Variants in HLA-DPB1 observed in about 807,000 individuals in gnomAD.
HLA-DPB1 encodes HLA class II histocompatibility antigen, DP beta 1 chain.
A neutral mutation model predicts 29.4 loss-of-function variants in HLA-DPB1; 30 were observed. The observed-to-expected ratio is 1.02, with a 90% CI of 0.76 to 1.38. The LOEUF (loss-of-function observed/expected upper bound fraction) is 1.38. Ranked by LOEUF, HLA-DPB1 falls within the 40% of genes most tolerant of loss-of-function variation. The probability of loss-of-function intolerance (pLI) is 0.00; values close to 1 mark genes in which losing one functional copy is unlikely to be tolerated. For missense variants in HLA-DPB1, 261 were observed against 327.5 expected, an observed-to-expected ratio of 0.80 and a Z score of 1.57; for synonymous variants, 114 against 134.0, an observed-to-expected ratio of 0.85 and a Z score of 1.03.
At chr6:33,085,700 G>C (rs9277470) in intron 3 of HLA-DPB1, 79 bp from the exon 4 acceptor site, 304,620 of 971,916 alleles carry the variant, frequency 0.31, 53,164 homozygotes, top group East Asian at 0.6. Context: ...TGCTGCATCA[G>C]GCTCCAGAAT....
chr6:33,085,137 C>T lies in HLA-DPB1; in HGVS notation c.552C>T (p.Ile184=), dbSNP rs376906908. ...GTAATGGAGACTGGACCTTCCAGAT[C>T]CTGGTGATGCTGGAAATGACCCCCC... The part of the protein sequence containing the change: ...LIRNGDWTFQ[I]LVMLEMTPQQ... Residue 184 remains isoleucine, a synonymous_variant, in exon 3 of 6, where the codon ATC becomes ATT. Coordinates refer to ENST00000418931, the MANE Select transcript of HLA-DPB1 (RefSeq NM_002121.6). The T allele has an allele frequency of 1.2e-5, 19 of 1,613,766 alleles. No homozygotes were observed. Among genetic ancestry groups the T allele is most frequent in the Non-Finnish European group, 1.5e-5 (18 of 1,179,830 alleles).
At position 33,088,605 on chromosome 6, in the gene HLA-DPB1, G is replaced by A. The variant is rs992271475; in HGVS notation, c.*2071G>A. On this transcript the variant is annotated 3_prime_UTR_variant, in exon 6 of 6. Coordinates refer to ENST00000418931, the MANE Select transcript of HLA-DPB1 (RefSeq NM_002121.6). Reference sequence around the variant, plus strand: ...AGGTCCCAGAGGAGACAAGAGCTGAGAGACCATCCAAACTGGGACCACCTT... The same window carrying A: ...AGGTCCCAGAGGAGACAAGAGCTGAAAGACCATCCAAACTGGGACCACCTT... 7.6e-6 allele frequency among the ~76,000 whole-genome samples: 1 copy of A among 131,960 alleles called. No individual in the cohort carries two copies. The highest frequency in any genetic ancestry group is 1.6e-5 in the Non-Finnish European group (1 of 63,626). 86.6% of individuals were successfully genotyped at this position (131,960 alleles called of 152,430 possible).
In HLA-DPB1 at chr6:33,080,926, C is replaced by G. The variant is rs536113120; in HGVS notation, c.355C>G (p.Gln119Glu). ...CGAGCTGGGCGGGCCCATGACCCTG[C>G]AGCGCCGAGGTGAGTGAGGGCTTTG... ...NYELGGPMTL[Q>E]RRVQPRVNVS... The change falls in exon 2 of 6, where the codon CAG becomes GAG. Residue 119 changes from glutamine (Q) to glutamate (E), a missense_variant. Gln to Glu is a conservative substitution (Grantham distance 29). Transcript: ENST00000418931. The surrounding 1 kb of genome is among the most constrained non-coding windows in gnomAD (Gnocchi z 4.3). 2.5e-6 allele frequency: 4 copies of G among 1,593,168 alleles called. No homozygotes were observed. In the Admixed American group the frequency reaches 6.8e-5, roughly 27 times the overall value.
rs41540313 is a variant in HLA-DPB1, at chr6:33,080,693, G to C, written c.122G>C (p.Arg41Pro). ...GCAGAGAATTACCTTTTCCAGGGAC[G>C]GCAGGAATGCTACGCGTTTAATGGG... The part of the protein sequence containing the change: ...ATPENYLFQG[R>P]QECYAFNGTQ... Residue 41 changes from arginine to proline, a missense_variant, in exon 2 of 6, where the codon CGG becomes CCG. Transcript: ENST00000418931. The surrounding 1 kb of genome is among the most constrained non-coding windows in gnomAD (Gnocchi z 4.3). The C allele has an allele frequency of 5.6e-6, 9 of 1,612,824 alleles. No individual in the cohort carries two copies. The highest frequency in any genetic ancestry group is 3.3e-5 in the Admixed American group (2 of 59,984).
At chr6:33,082,051 A>T (rs2150374604) in intron 2 of HLA-DPB1, 1 of 152,280 alleles carries the variant, frequency 6.6e-6, no homozygotes, top group Non-Finnish European at 1.5e-5. Flanking sequence ...AGCTGGGGAG[A>T]TCACACCTTT....
chr6:33,085,411 G>A lies in HLA-DPB1; in HGVS notation c.646+180G>A, dbSNP rs183308747. Among the ~76,000 whole-genome samples the A allele has an allele frequency of 2.4e-3, 370 of 152,290 alleles. 5 individuals are homozygous for A. The South Asian group carries it at 0.046, about 19-fold the overall frequency. ...AGGGAAATGGAGACTTCCTGACCTT[G>A]GCTTAGGGGTTCCTGAAGATTCATA... On this transcript the variant is annotated intron_variant, in intron 3 of 5. Transcript: ENST00000418931.
chr6:33,085,667 G>C (rs9277467), intron 3 of HLA-DPB1, 112 bp from the exon 4 acceptor site: 252,025 of 780,738 alleles, frequency 0.32, 45,289 homozygotes, highest in East Asian at 0.6. Flanking sequence ...AGCTTTTTCC[G>C]CTGCACTGTC....
At chr6:33,085,616 T>C (rs148329657) in intron 3 of HLA-DPB1, among the ~76,000 whole-genome samples, 163 bp from the exon 4 acceptor site, 1 of 152,276 alleles carries the variant, frequency 6.6e-6, no homozygotes, top group Non-Finnish European at 1.5e-5. Context: ...ACACCCCTGT[T>C]CCAGATATGA....
chr6:33,077,636 C>T (rs926776090), intron 1 of HLA-DPB1, among the ~76,000 whole-genome samples: 4 of 152,182 alleles, frequency 2.6e-5, no homozygotes, highest in Non-Finnish European at 5.9e-5. Context: ...CCATTGTACT[C>T]TCAGGACATT....
rs1020242108 is a variant in HLA-DPB1 at position 33,087,385 on chromosome 6, A to G, written c.*851A>G. On this transcript the variant is annotated 3_prime_UTR_variant, in exon 6 of 6. Coordinates refer to ENST00000418931, the MANE Select transcript of HLA-DPB1 (RefSeq NM_002121.6). ...GGGGAAAGAGCAAAGCAATACATGT[A>G]GCACTCTTTTTCAAACACTGGTCTT... is the stretch of plus-strand genomic sequence containing the variant. Among the ~76,000 whole-genome samples the G allele has an allele frequency of 1.3e-5, 2 of 151,248 alleles. No individual in the cohort carries two copies. The highest frequency in any genetic ancestry group is 1.3e-4 in the Admixed American group (2 of 15,216).
intron 1 of HLA-DPB1, 107 bp downstream of exon 1, chr6:33,076,248 C>A: frequency 1.4e-6 from 1 of 731,202 alleles, no homozygotes; most frequent in Non-Finnish European, 2.3e-6. Context: ...GGGCTCCTGC[C>A]CTAAGGCAGT....
rs1562159063 is a variant in HLA-DPB1 at position 33,085,826 on chromosome 6, G to A, written c.694G>A (p.Gly232Ser). 1 of 1,614,114 alleles carries A rather than the reference G, an allele frequency of 6.2e-7. No individual in the cohort carries two copies. Among genetic ancestry groups the A allele is most frequent in the Non-Finnish European group, 8.5e-7 (1 of 1,180,002 alleles). ...GAGTAAGACATTGACGGGAGCTGGG[G>A]GCTTCGTGCTGGGGCTCATCATCTG... ...ARSKTLTGAG[G>S]FVLGLIICGV... Residue 232 changes from glycine (G) to serine (S), a missense_variant, in exon 4 of 6, where the codon GGC (glycine) becomes AGC (serine). Gly to Ser is a moderately conservative substitution (Grantham distance 56). Coordinates refer to ENST00000418931, the MANE Select transcript of HLA-DPB1 (RefSeq NM_002121.6).
At chr6:33,076,264 C>T (rs1260998283) in intron 1 of HLA-DPB1, 123 bp downstream of exon 1, 3 of 650,808 alleles carry the variant, frequency 4.6e-6, no homozygotes, top group East Asian at 5.5e-5. Context: ...GCAGTGTCCT[C>T]TCTTCCCAGC....
In HLA-DPB1 at chr6:33,076,084, C is replaced by G. The variant is rs771074929; in HGVS notation, c.43C>G (p.Leu15Val). ...QVSAAPRTVA[L>V]TALLMVLLTS... Reference sequence around the variant, plus strand: ...TTCTGCGGCCCCCCGGACAGTGGCTCTGACGGCGTTACTGATGGTGCTGCT... The same window carrying G: ...TTCTGCGGCCCCCCGGACAGTGGCTGTGACGGCGTTACTGATGGTGCTGCT... Residue 15 changes from leucine to valine, a missense_variant, in exon 1 of 6, where the codon CTG (leucine) becomes GTG (valine). Physicochemically the swap from Leu to Val is conservative, Grantham distance 32 (BLOSUM62 1). Coordinates refer to ENST00000418931, the MANE Select transcript of HLA-DPB1 (RefSeq NM_002121.6). 29 of 1,612,504 alleles carry G rather than the reference C, an allele frequency of 1.8e-5. No individual in the cohort carries two copies. Among genetic ancestry groups the G allele is most frequent in the Non-Finnish European group, 1.7e-6 (2 of 1,179,914 alleles).
intron 3 of HLA-DPB1, 126 bp downstream of exon 3, chr6:33,085,357 A>G (rs1003152165): frequency 2.4e-5 from 20 of 823,898 alleles, no homozygotes; most frequent in Admixed American, 2.2e-4. Context: ...TCTTTCTTCT[A>G]TACCAGCTCC....
intron 3 of HLA-DPB1, among the ~76,000 whole-genome samples, 162 bp from the exon 4 acceptor site, chr6:33,085,617 C>T (rs1562158707): frequency 6.6e-6 from 1 of 152,178 alleles, no homozygotes; most frequent in Non-Finnish European, 1.5e-5. Context: ...CACCCCTGTT[C>T]CAGATATGAG....
At position 33,080,542 on chromosome 6, in the gene HLA-DPB1, G is replaced by A; in HGVS notation, c.101-130G>A. On this transcript the variant is annotated intron_variant, in intron 1 of 5. Coordinates refer to ENST00000418931, the MANE Select transcript of HLA-DPB1 (RefSeq NM_002121.6). This position sits in a 1 kb window ranked among gnomAD's most constrained non-coding sequence, Gnocchi z 4.3. ...TTAGGACCACAGAACTCGGTACTAG[G>A]AAAACTCCTATTTTAAAATCCAGCC... 7.2e-7 allele frequency: 1 copy of A among 1,380,542 alleles called. No individual in the cohort carries two copies. The highest frequency in any genetic ancestry group is 1.0e-6 in the Non-Finnish European group (1 of 986,780). 85.5% of individuals were successfully genotyped at this position (1,380,542 alleles called of 1,614,324 possible). A position where few individuals can be genotyped will look rare whatever the true frequency, so the allele number is the denominator to read the frequency against.
Position 33,085,020 on chromosome 6 carries a change from C to A in HLA-DPB1, c.435C>A (p.His145Gln). The change falls in exon 3 of 6, where the codon CAC (histidine) becomes CAA (glutamine). Residue 145 changes from histidine (H) to glutamine (Q), a missense_variant. By Grantham distance (24) the His-to-Gln change is conservative. Coordinates refer to ENST00000418931, the MANE Select transcript of HLA-DPB1 (RefSeq NM_002121.6). Reference protein sequence around the residue: ...PLQHHNLLVCHVTDFYPGSIQ... With the variant: ...PLQHHNLLVCQVTDFYPGSIQ... ...AGCACCACAACCTGCTTGTCTGCCA[C>A]GTGACGGATTTCTACCCAGGCAGCA... 6.2e-7 allele frequency: 1 copy of A among 1,612,828 alleles called. No individual in the cohort carries two copies. The highest frequency in any genetic ancestry group is 8.5e-7 in the Non-Finnish European group (1 of 1,179,452).
Position 33,080,848 on chromosome 6 carries a change from G to C in HLA-DPB1, c.277G>C (p.Asp93His), listed in dbSNP as rs41560812. Residue 93 changes from aspartate (D) to histidine (H), a missense_variant, in exon 2 of 6, where the codon GAC (aspartate) becomes CAC (histidine). Coordinates refer to ENST00000418931, the MANE Select transcript of HLA-DPB1 (RefSeq NM_002121.6). This position sits in a 1 kb window ranked among gnomAD's most constrained non-coding sequence, Gnocchi z 4.3. ...PAAEYWNSQK[D>H]ILEEKRAVPD... ...TGCGGAGTACTGGAACAGCCAGAAGGACATCCTGGAGGAGAAGCGGGCAGT... is the reference window on the plus strand; with the variant it reads ...TGCGGAGTACTGGAACAGCCAGAAGCACATCCTGGAGGAGAAGCGGGCAGT... 1.9e-6 allele frequency: 3 copies of C among 1,613,174 alleles called. No homozygotes were observed. The African/African-American group carries it at 4.0e-5, about 22-fold the overall frequency.
Sources: allele counts gnomAD v4.1 joint callset (sites outside exome capture counted in the v4.1 genomes callset), GRCh38; gene constraint gnomAD v4.1.1; non-coding constraint Gnocchi (gnomAD v3.1); transcripts MANE v1.5; gene names NCBI Gene and HGNC (gene_info 2026-07-23, HGNC 2026-07-21).